Variants in ARSK observed in about 807,000 individuals in gnomAD.
The protein encoded by ARSK is arylsulfatase K.
Under a neutral mutation model 53.2 loss-of-function variants are expected in ARSK, and 37 were observed. That is an observed-to-expected ratio of 0.70 (90% CI 0.54 to 0.92). ARSK has a LOEUF of 0.92. Among genes scored for constraint, ARSK ranks in the 40% least tolerant of loss-of-function variants. ARSK has a pLI of 0.00. For synonymous variants in ARSK, 208 were observed against 223.2 expected, an observed-to-expected ratio of 0.93 and a Z score of 0.61; for missense variants, 613 against 643.0, an observed-to-expected ratio of 0.95 and a Z score of 0.51.
intron 3 of ARSK, among the ~76,000 whole-genome samples, chr5:95,570,667 G>A (rs1047102834): frequency 1.1e-4 from 17 of 152,158 alleles, no homozygotes; most frequent in East Asian, 3.9e-4. Context: ...AGGATTAAGC[G>A]GAATAATATA....
At chr5:95,598,588 C>T (rs1466491042) in intron 6 of ARSK, among the ~76,000 whole-genome samples, 1 of 152,182 alleles carries the variant, frequency 6.6e-6, no homozygotes, top group Non-Finnish European at 1.5e-5. Flanking sequence ...TCTGCCCTTA[C>T]CCACTTTTAG....
Position 95,578,304 on chromosome 5 carries a change from G to A in ARSK, c.417-4612G>A, listed in dbSNP as rs1174082246. 4.0e-5 allele frequency among the ~76,000 whole-genome samples: 6 copies of A among 151,030 alleles called. No homozygotes were observed. In the South Asian group the frequency reaches 6.3e-4, roughly 16 times the overall value. On this transcript the variant is annotated intron_variant, in intron 3 of 7. Transcript: ENST00000380009. ...GTAGCTAGGACCACAGGCACATACC[G>A]CCATGCCCAGTGAAGAATTTTTTTT...
In ARSK at chr5:95,555,162, A is replaced by G. The variant is rs1748461317; in HGVS notation, c.-117A>G. 12 of 975,458 alleles carry G rather than the reference A, an allele frequency of 1.2e-5. No homozygotes were observed. The South Asian group carries it at 1.7e-4, about 13-fold the overall frequency. 60.4% of individuals were successfully genotyped at this position (975,458 alleles called of 1,614,324 possible). A position where few individuals can be genotyped will look rare whatever the true frequency, so the allele number is the denominator to read the frequency against. ...CGGGTGAAGCTCGGCGTTACTATCA[A>G]GCAACCAAACTGCAAGCTTTGGGAG... On this transcript the variant is annotated 5_prime_UTR_variant, in exon 1 of 8. Coordinates refer to ENST00000380009, the MANE Select transcript of ARSK (RefSeq NM_198150.3). This position sits in a 1 kb window ranked among gnomAD's most constrained non-coding sequence, Gnocchi z 4.0.
intron 6 of ARSK, among the ~76,000 whole-genome samples, chr5:95,596,393 T>C (rs1370400133): frequency 2.0e-5 from 3 of 152,170 alleles, no homozygotes; most frequent in African/African-American, 7.2e-5. Context: ...CTTTATTATT[T>C]TGTATGAATC....
chr5:95,586,838 AC>A (rs1392419681), intron 5 of ARSK, 105 bp downstream of exon 5: 2 of 959,204 alleles, frequency 2.1e-6, no homozygotes, highest in African/African-American at 3.5e-5. Flanking sequence ...GTTGCTTATA[AC>A]TATAGGAATC....
chr5:95,567,060 C>T (rs1040479401), intron 2 of ARSK, among the ~76,000 whole-genome samples: 1 of 152,170 alleles, frequency 6.6e-6, no homozygotes, highest in Non-Finnish European at 1.5e-5. Flanking sequence ...TGCTAATCCT[C>T]AAGCAAGTCA....
At chr5:95,569,611 A>G (rs955261274) in intron 3 of ARSK, among the ~76,000 whole-genome samples, 1 of 152,188 alleles carries the variant, frequency 6.6e-6, no homozygotes, top group African/African-American at 2.4e-5. Context: ...GAGGCAAGGA[A>G]AAATTCTGCC....
chr5:95,582,859 A>G (rs1299431765), intron 3 of ARSK, 57 bp from the exon 4 acceptor site: 2 of 1,467,234 alleles, frequency 1.4e-6, no homozygotes, highest in Non-Finnish European at 1.8e-6. Context: ...TATGCTTAGT[A>G]TGTTTTTAAA....
At chr5:95,560,138 T>C (rs1218073383) in intron 1 of ARSK, among the ~76,000 whole-genome samples, 3 of 152,194 alleles carry the variant, frequency 2.0e-5, no homozygotes, top group African/African-American at 7.2e-5. Context: ...AATATAGTTC[T>C]TATACTCCGA....
chr5:95,561,839 A>G (rs1040896914), intron 1 of ARSK, among the ~76,000 whole-genome samples: 2 of 152,242 alleles, frequency 1.3e-5, no homozygotes, highest in Middle Eastern at 3.2e-3. Flanking sequence ...TTCTGAATAC[A>G]CTAAAAACCA....
intron 3 of ARSK, among the ~76,000 whole-genome samples, chr5:95,573,132 C>G (rs1580219746): frequency 1.3e-5 from 2 of 152,140 alleles, no homozygotes; most frequent in East Asian, 3.8e-4. Flanking sequence ...TCAGCCTGGT[C>G]TTAGGAATGT....
chr5:95,571,146 T>G (rs1454966963), intron 3 of ARSK, among the ~76,000 whole-genome samples: 1 of 152,256 alleles, frequency 6.6e-6, no homozygotes, highest in Non-Finnish European at 1.5e-5. Context: ...CAAATTTCTC[T>G]TTAAAATCTT....
Position 95,587,559 on chromosome 5 carries a change from G to T in ARSK, c.871+826G>T, listed in dbSNP as rs1303143146. ...GTAAAAATAGAAAAGTATACAGCAAGAAGCAAAAAGGCCATATGGACAAAT... is the reference window on the plus strand; with the variant it reads ...GTAAAAATAGAAAAGTATACAGCAATAAGCAAAAAGGCCATATGGACAAAT... On this transcript the variant is annotated intron_variant, in intron 5 of 7. Coordinates refer to ENST00000380009, the MANE Select transcript of ARSK (RefSeq NM_198150.3). Among the ~76,000 whole-genome samples the T allele has an allele frequency of 3.9e-5, 6 of 152,172 alleles. No homozygotes were observed. In the East Asian group the frequency reaches 1.2e-3, roughly 29 times the overall value.
At chr5:95,597,665 G>A (rs754606402) in intron 6 of ARSK, among the ~76,000 whole-genome samples, 9 of 152,076 alleles carry the variant, frequency 5.9e-5, no homozygotes, top group Admixed American at 4.6e-4. Flanking sequence ...AGGCCAGGGT[G>A]GGCAGATCAC....
intron 6 of ARSK, among the ~76,000 whole-genome samples, chr5:95,595,728 A>G (rs539904346): frequency 1.3e-5 from 2 of 152,330 alleles, no homozygotes; most frequent in Non-Finnish European, 2.9e-5. Context: ...GTTGGGCACT[A>G]TGCCCAGTAC....
At chr5:95,560,160 C>T in intron 1 of ARSK, among the ~76,000 whole-genome samples, 1 of 152,114 alleles carries the variant, frequency 6.6e-6, no homozygotes, top group East Asian at 1.9e-4. Context: ...AACTACAAAA[C>T]ATTGTTGAAA....
At chr5:95,557,538 G>A (rs1228675309) in intron 1 of ARSK, among the ~76,000 whole-genome samples, 1 of 152,174 alleles carries the variant, frequency 6.6e-6, no homozygotes. Flanking sequence ...AATAATGCTA[G>A]TCCTGAGTGC....
chr5:95,569,690 G>T (rs1748792385), intron 3 of ARSK, among the ~76,000 whole-genome samples: 1 of 152,222 alleles, frequency 6.6e-6, no homozygotes, highest in Non-Finnish European at 1.5e-5. Context: ...AGAACTGTGG[G>T]AGAACAGGTT....
intron 3 of ARSK, among the ~76,000 whole-genome samples, chr5:95,573,929 C>T (rs930216704): frequency 6.6e-6 from 1 of 152,136 alleles, no homozygotes; most frequent in Non-Finnish European, 1.5e-5. Flanking sequence ...TGACTATAGT[C>T]ACCCTGTTTT....
Sources: gnomAD v4.1 joint callset for allele counts (sites outside exome capture counted in the v4.1 genomes callset) on GRCh38, gnomAD v4.1.1 for gene constraint, Gnocchi (gnomAD v3.1) non-coding constraint, MANE v1.5 for transcripts, NCBI Gene and HGNC (gene_info 2026-07-23, HGNC 2026-07-21) for gene names.